Variants in KCNK18 observed in about 807,000 individuals in gnomAD.
KCNK18 encodes potassium two pore domain channel subfamily K member 18, also known as potassium channel subfamily K member 18.
A neutral mutation model predicts 11.8 loss-of-function variants in KCNK18; 8 were observed. The ratio of observed to expected loss-of-function variants is 0.68; its 90% CI spans 0.40 to 1.22. The LOEUF (loss-of-function observed/expected upper bound fraction) is 1.22. Ranked by LOEUF, KCNK18 falls within the 50% of genes most tolerant of loss-of-function variation. KCNK18 has a pLI of 0.01. For missense variants in KCNK18, 442 were observed against 465.4 expected, an observed-to-expected ratio of 0.95 and a Z score of 0.46; for synonymous variants, 208 against 185.8, an observed-to-expected ratio of 1.12 and a Z score of -0.97.
At chr10:117,202,472 C>T (rs1305032993) in intron 2 of KCNK18, among the ~76,000 whole-genome samples, 4 of 152,228 alleles carry the variant, frequency 2.6e-5, no homozygotes, top group Non-Finnish European at 5.9e-5. Flanking sequence ...GCCCAGTGCC[C>T]ATTCGCAGTC....
intron 2 of KCNK18, among the ~76,000 whole-genome samples, chr10:117,207,902 G>C (rs182437910): frequency 2.4e-4 from 37 of 152,286 alleles, no homozygotes; most frequent in African/African-American, 7.9e-4. Context: ...TTAAACACAG[G>C]CATTAAATAC....
chr10:117,204,735 G>A (rs1040829144), intron 2 of KCNK18, among the ~76,000 whole-genome samples: 6 of 152,168 alleles, frequency 3.9e-5, no homozygotes, highest in African/African-American at 1.4e-4. Flanking sequence ...TGAGAAGCGT[G>A]CCCTGGCTGC....
Position 117,209,741 on chromosome 10 carries a change from C to A in KCNK18, c.597C>A (p.Val199=), listed in dbSNP as rs867161774. 2 of 1,614,176 alleles carry A rather than the reference C, an allele frequency of 1.2e-6. No homozygotes were observed. The change falls in exon 3 of 3, where the codon GTC becomes GTA. Residue 199 remains valine (V), a synonymous_variant. Coordinates refer to ENST00000334549, the MANE Select transcript of KCNK18 (RefSeq NM_181840.1). ...KPDPKPADEA[V]PQIIISAEEL... is the part of the protein sequence containing the mutation. Reference sequence around the variant, plus strand: ...ACCCCAAGCCCGCAGATGAAGCTGTCCCTCAGATCATCATCAGTGCTGAAG... The same window carrying A: ...ACCCCAAGCCCGCAGATGAAGCTGTACCTCAGATCATCATCAGTGCTGAAG...
Position 117,200,130 on chromosome 10 carries a change from T to C in KCNK18, c.224-1029T>C, listed in dbSNP as rs372074205. 1.2e-4 allele frequency among the ~76,000 whole-genome samples: 19 copies of C among 152,324 alleles called. No individual in the cohort carries two copies. In the South Asian group the frequency reaches 3.7e-3, roughly 30 times the overall value. The stretch of plus-strand genomic sequence containing the variant: ...ACTCACTCTGTCACTCAGGCTGGGA[T>C]GCAGTGGCACGATCTTGGCTCACTG... On this transcript the variant is annotated intron_variant, in intron 1 of 2. Transcript: ENST00000334549.
At chr10:117,203,071 T>G (rs879810830) in intron 2 of KCNK18, among the ~76,000 whole-genome samples, 3 of 151,918 alleles carry the variant, frequency 2.0e-5, no homozygotes, top group Admixed American at 6.6e-5. Flanking sequence ...AGACGGGGGT[T>G]TCACCATGTT....
At chr10:117,200,873 A>C (rs189303377) in intron 1 of KCNK18, among the ~76,000 whole-genome samples, 3 of 151,612 alleles carry the variant, frequency 2.0e-5, no homozygotes, top group African/African-American at 7.3e-5. Flanking sequence ...CAAAGACTAC[A>C]CAGCAATGCC....
chr10:117,203,510 G>C (rs1855039254), intron 2 of KCNK18, among the ~76,000 whole-genome samples: 1 of 152,156 alleles, frequency 6.6e-6, no homozygotes, highest in Non-Finnish European at 1.5e-5. Context: ...ACTGTGCAAA[G>C]GGGCTAGAAG....
In KCNK18 at chr10:117,209,597, A is replaced by G. The variant is rs2133707236; in HGVS notation, c.453A>G (p.Thr151=). ...IPLMFLVLTD[T]GDILATILST... is the part of the protein sequence containing the mutation. ...TGATGTTCCTCGTTCTCACGGACAC[A>G]GGCGACATCCTGGCAACCATCTTAT... Residue 151 remains threonine, a synonymous_variant, in exon 3 of 3, where the codon ACA becomes ACG. Transcript: ENST00000334549. 2.5e-6 allele frequency: 4 copies of G among 1,614,148 alleles called. No individual in the cohort carries two copies. In the East Asian group the frequency reaches 8.9e-5, roughly 36 times the overall value.
chr10:117,207,790 T>C (rs1855093125), intron 2 of KCNK18, among the ~76,000 whole-genome samples: 2 of 152,342 alleles, frequency 1.3e-5, no homozygotes, highest in Admixed American at 6.5e-5. Flanking sequence ...GCTGCACTTC[T>C]GGAGGAAGTT....
chr10:117,197,688 G>C lies in KCNK18; in HGVS notation c.200G>C (p.Arg67Thr), dbSNP rs1854967021. Residue 67 changes from arginine to threonine, a missense_variant, in exon 1 of 3, where the codon AGA (arginine) becomes ACA (threonine). Arg to Thr is a moderately conservative substitution (Grantham distance 71, BLOSUM62 -1). Coordinates refer to ENST00000334549, the MANE Select transcript of KCNK18 (RefSeq NM_181840.1). ...GAGAAGTTCTTGGAGGAGCTCTGCA[G>C]AATCTTGAACTGCAGTGAAACAGGT... is the stretch of plus-strand genomic sequence containing the variant. The part of the protein sequence containing the change: ...EFEKFLEELC[R>T]ILNCSETVVE... The C allele has an allele frequency of 6.2e-7, 1 of 1,614,030 alleles. No homozygotes were observed. The highest frequency in any genetic ancestry group is 1.1e-5 in the South Asian group (1 of 91,076).
intron 1 of KCNK18, among the ~76,000 whole-genome samples, chr10:117,200,509 C>G (rs952624226): frequency 6.6e-6 from 1 of 152,140 alleles, no homozygotes; most frequent in Non-Finnish European, 1.5e-5. Flanking sequence ...AGTTATCTTC[C>G]TTTGAAAGAT....
intron 1 of KCNK18, among the ~76,000 whole-genome samples, chr10:117,198,386 G>A (rs931586804): frequency 7.9e-5 from 12 of 152,086 alleles, no homozygotes; most frequent in African/African-American, 1.4e-4. Flanking sequence ...CTCAGTCTGC[G>A]GGAGAGAAGG....
chr10:117,209,349 G>A, intron 2 of KCNK18, 148 bp from the exon 3 acceptor site: 1 of 779,722 alleles, frequency 1.3e-6, no homozygotes. Flanking sequence ...CCAGACCAGT[G>A]GCTGAATGCT....
At chr10:117,199,806 A>G (rs543660017) in intron 1 of KCNK18, among the ~76,000 whole-genome samples, 5 of 152,326 alleles carry the variant, frequency 3.3e-5, no homozygotes, top group African/African-American at 1.2e-4. Flanking sequence ...TAAAAGGAGT[A>G]GAGACTTCCT....
rs1019640053 is a variant in KCNK18, at chr10:117,203,875, T to G, written c.352+2588T>G. Among the ~76,000 whole-genome samples the G allele has an allele frequency of 2.0e-5, 3 of 152,200 alleles. No homozygotes were observed. The East Asian group carries it at 5.8e-4, about 29-fold the overall frequency. On this transcript the variant is annotated intron_variant, in intron 2 of 2. Coordinates refer to ENST00000334549, the MANE Select transcript of KCNK18 (RefSeq NM_181840.1). ...TTTTGTATTTTTGTAGAAATGGGGT[T>G]TCACCATGTTGGCCAGGCTGGTCTT...
chr10:117,207,099 G>C (rs1267510505), intron 2 of KCNK18, among the ~76,000 whole-genome samples: 1 of 152,134 alleles, frequency 6.6e-6, no homozygotes, highest in Admixed American at 6.5e-5. Flanking sequence ...CACGATCTCA[G>C]CTCACTGCAA....
chr10:117,200,976 G>A (rs955776077), intron 1 of KCNK18, among the ~76,000 whole-genome samples, 183 bp from the exon 2 acceptor site: 2 of 152,202 alleles, frequency 1.3e-5, no homozygotes, highest in Non-Finnish European at 2.9e-5. Flanking sequence ...AGGGACTGAA[G>A]GCAGGACCCA....
At position 117,210,231 on chromosome 10, in the gene KCNK18, A is replaced by G. The variant is rs764416904; in HGVS notation, c.1087A>G (p.Ile363Val). 3 of 1,614,192 alleles carry G rather than the reference A, an allele frequency of 1.9e-6. No homozygotes were observed. The highest frequency in any genetic ancestry group is 2.2e-5 in the East Asian group (1 of 44,894). Residue 363 changes from isoleucine to valine, a missense_variant, in exon 3 of 3, where the codon ATT (isoleucine) becomes GTT (valine). Transcript: ENST00000334549. ...TTTCAAGTTGGTGCAAAACAGGCTG[A>G]TTGACATATACAAAAATGTTATGCT... The part of the protein sequence containing the change: ...IAFKLVQNRL[I>V]DIYKNVMLFF...
At chr10:117,202,088 G>A (rs1855019666) in intron 2 of KCNK18, among the ~76,000 whole-genome samples, 1 of 152,238 alleles carries the variant, frequency 6.6e-6, no homozygotes, top group South Asian at 2.1e-4. Context: ...CTGGCAAAAG[G>A]GACTGTGGGC....
Sources: gnomAD v4.1 joint callset for allele counts (sites outside exome capture counted in the v4.1 genomes callset) on GRCh38, gnomAD v4.1.1 for gene constraint, MANE v1.5 for transcripts, NCBI Gene and HGNC (gene_info 2026-07-23, HGNC 2026-07-21) for gene names.